Variants in GRK3 observed in about 807,000 individuals in gnomAD.
GRK3 encodes the protein adrenergic, beta, receptor kinase 2.
Under a neutral mutation model 95.7 loss-of-function variants are expected in GRK3, and 54 were observed. The ratio of observed to expected loss-of-function variants is 0.56; its 90% CI spans 0.45 to 0.71. GRK3 has a LOEUF of 0.71. GRK3 is among the 30% of genes least tolerant of loss of function. GRK3 has a pLI of 0.00. For missense variants in GRK3, 649 were observed against 851.2 expected (o/e 0.76, Z 2.96); for synonymous variants, 281 against 290.8 (o/e 0.97, Z 0.34).
intron 2 of GRK3, among the ~76,000 whole-genome samples, chr22:25,627,673 C>T (rs1436551428): frequency 6.6e-6 from 1 of 152,192 alleles, no homozygotes; most frequent in African/African-American, 2.4e-5. Flanking sequence ...GAAAAATAAA[C>T]AAAAACAGAC....
At chr22:25,595,463 T>C (rs2084366334) in intron 1 of GRK3, among the ~76,000 whole-genome samples, 1 of 152,212 alleles carries the variant, frequency 6.6e-6, no homozygotes, top group African/African-American at 2.4e-5. Context: ...TGTGTAGTAT[T>C]AGACAACCAG....
chr22:25,688,094 G>A (rs1374969141), intron 11 of GRK3, among the ~76,000 whole-genome samples: 1 of 151,970 alleles, frequency 6.6e-6, no homozygotes, highest in Admixed American at 6.6e-5. Flanking sequence ...AAATTAGCCG[G>A]GCGTGGTGGC....
chr22:25,678,017 A>C (rs1265688127), intron 8 of GRK3, among the ~76,000 whole-genome samples: 1 of 152,250 alleles, frequency 6.6e-6, no homozygotes, highest in East Asian at 1.9e-4. Context: ...TATTATTTAA[A>C]ACGTCATAAC....
intron 2 of GRK3, among the ~76,000 whole-genome samples, chr22:25,642,774 G>A (rs2084752759): frequency 6.6e-6 from 1 of 152,144 alleles, no homozygotes; most frequent in Admixed American, 6.5e-5. Flanking sequence ...AGTTCCATCT[G>A]TGTTGCTGCA....
chr22:25,718,133 A>G, intron 18 of GRK3, 112 bp from the exon 19 acceptor site: 1 of 1,246,442 alleles, frequency 8.0e-7, no homozygotes, highest in Non-Finnish European at 1.1e-6. Flanking sequence ...CGTTCTATTT[A>G]TAGAAACCTG....
At chr22:25,703,283 T>C (rs1205686502) in intron 13 of GRK3, among the ~76,000 whole-genome samples, 3 of 152,262 alleles carry the variant, frequency 2.0e-5, no homozygotes, top group Non-Finnish European at 2.9e-5. Flanking sequence ...ACAAGTTCAC[T>C]GAAGTGAGAT....
intron 18 of GRK3, among the ~76,000 whole-genome samples, chr22:25,716,709 A>C (rs148378860): frequency 2.0e-5 from 3 of 152,340 alleles, no homozygotes; most frequent in East Asian, 3.9e-4. Flanking sequence ...ATCTGGAGAA[A>C]ACCAATAAGA....
At chr22:25,690,368 C>G in intron 12 of GRK3, 85 bp downstream of exon 12, 1 of 965,996 alleles carries the variant, frequency 1.0e-6, no homozygotes, top group South Asian at 1.4e-5. Flanking sequence ...ATTTCTCTTA[C>G]CAGTGGTGAT....
chr22:25,689,454 A>T (rs960862595), intron 11 of GRK3, among the ~76,000 whole-genome samples: 1 of 152,196 alleles, frequency 6.6e-6, no homozygotes, highest in Admixed American at 6.5e-5. Context: ...TTCTAATAGC[A>T]TGCCATTTAT....
chr22:25,599,220 C>A (rs1045415589), intron 1 of GRK3, among the ~76,000 whole-genome samples: 14 of 152,100 alleles, frequency 9.2e-5, no homozygotes, highest in Non-Finnish European at 1.6e-4. Context: ...TGGGTTTAAT[C>A]AAAAATTTAA....
chr22:25,609,605 C>T (rs1157357339), intron 2 of GRK3, among the ~76,000 whole-genome samples: 5 of 152,218 alleles, frequency 3.3e-5, no homozygotes, highest in African/African-American at 7.2e-5. Context: ...GCTGTGATTA[C>T]AGGCTTGAGC....
At chr22:25,641,505 A>C (rs1024450622) in intron 2 of GRK3, among the ~76,000 whole-genome samples, 1 of 152,244 alleles carries the variant, frequency 6.6e-6, no homozygotes, top group Non-Finnish European at 1.5e-5. Context: ...TGGGAGAGGT[A>C]GACAGTAAAG....
chr22:25,580,154 G>A (rs1305310214), intron 1 of GRK3: 1 of 152,196 alleles, frequency 6.6e-6, no homozygotes, highest in African/African-American at 2.4e-5. Flanking sequence ...ACCTTATAGG[G>A]AAGCAACAGA....
At chr22:25,707,871 G>A (rs925870259) in intron 15 of GRK3, among the ~76,000 whole-genome samples, 2 of 152,086 alleles carry the variant, frequency 1.3e-5, no homozygotes, top group African/African-American at 4.8e-5. Context: ...CAGGACCCTG[G>A]TGCCTCGGTG....
chr22:25,670,714 TAC>T (rs1259624059), intron 6 of GRK3, among the ~76,000 whole-genome samples: 1 of 151,960 alleles, frequency 6.6e-6, no homozygotes, highest in African/African-American at 2.4e-5. Context: ...GAATGTTCTC[TAC>T]GAAGTATTCA....
chr22:25,629,208 C>T (rs370606754), intron 2 of GRK3, among the ~76,000 whole-genome samples: 3 of 152,046 alleles, frequency 2.0e-5, no homozygotes, highest in Non-Finnish European at 2.9e-5. Context: ...CTGTGGTGCT[C>T]GCTTGAAGCC....
At chr22:25,722,103 C>A (rs577747496) in intron 20 of GRK3, among the ~76,000 whole-genome samples, 186 bp from the exon 21 acceptor site, 1 of 152,294 alleles carries the variant, frequency 6.6e-6, no homozygotes, top group South Asian at 2.1e-4. Flanking sequence ...CCTTTCCCTG[C>A]TCTTTTCAAG....
At chr22:25,573,899 C>T (rs1931795061) in intron 1 of GRK3, among the ~76,000 whole-genome samples, 1 of 150,014 alleles carries the variant, frequency 6.7e-6, no homozygotes, top group Admixed American at 6.6e-5. Context: ...AACTCTGTCT[C>T]AAACAAAGAA....
chr22:25,685,159 T>C lies in GRK3; in HGVS notation c.748-11T>C. On this transcript the variant is annotated splice_polypyrimidine_tract_variant and intron_variant, in intron 9 of 20. Transcript: ENST00000324198. The stretch of plus-strand genomic sequence containing the variant: ...TTGCTCTTCTTATAAACTTTTATTG[T>C]TTCACTCTAGGACTGTCCTTTCATT... 1 of 1,598,340 alleles carries C rather than the reference T, an allele frequency of 6.3e-7. No individual in the cohort carries two copies. The highest frequency in any genetic ancestry group is 8.6e-7 in the Non-Finnish European group (1 of 1,167,052).
Sources: gnomAD v4.1 joint callset for allele counts (sites outside exome capture counted in the v4.1 genomes callset) on GRCh38, gnomAD v4.1.1 for gene constraint, MANE v1.5 for transcripts, NCBI Gene and HGNC (gene_info 2026-07-23, HGNC 2026-07-21) for gene names.